The following TCEA1 variants were observed in gnomAD, a reference collection of about 807,000 sequenced individuals.
The protein encoded by TCEA1 is transcription elongation factor A1.
A neutral mutation model predicts 43.8 loss-of-function variants in TCEA1; 21 were observed. That is an observed-to-expected ratio of 0.48 (90% confidence interval 0.34 to 0.69). The LOEUF (loss-of-function observed/expected upper bound fraction) is 0.69, where lower values mean the gene tolerates loss of function less well. Ranked by LOEUF, TCEA1 falls within the 30% of genes least tolerant of loss-of-function variation. TCEA1 has a pLI of 0.01. For missense variants in TCEA1, 250 were observed against 365.1 expected, an observed-to-expected ratio of 0.68 and a Z score of 2.57; for synonymous variants, 104 against 117.5, an observed-to-expected ratio of 0.88 and a Z score of 0.75.
chr8:53,990,549 G>A (rs1258203307), intron 4 of TCEA1, among the ~76,000 whole-genome samples: 2 of 151,888 alleles, frequency 1.3e-5, no homozygotes, highest in Admixed American at 1.3e-4. Flanking sequence ...TACTTGTAGA[G>A]ACAGGGCCTC....
At chr8:53,974,610 C>A (rs1008267068) in intron 8 of TCEA1, among the ~76,000 whole-genome samples, 16 of 152,080 alleles carry the variant, frequency 1.1e-4, no homozygotes, top group Non-Finnish European at 1.9e-4. Context: ...TCACTGCAAC[C>A]TCCACTTCCT....
chr8:53,984,044 G>A (rs1803607365), intron 7 of TCEA1, among the ~76,000 whole-genome samples: 1 of 152,204 alleles, frequency 6.6e-6, no homozygotes, highest in Non-Finnish European at 1.5e-5. Context: ...AGGTTGCGGT[G>A]GGCCAAGATC....
At chr8:53,986,654 C>G (rs117142654) in intron 6 of TCEA1, among the ~76,000 whole-genome samples, 6 of 152,172 alleles carry the variant, frequency 3.9e-5, no homozygotes, top group African/African-American at 1.4e-4. Flanking sequence ...TTCCAAAGAG[C>G]CAGGTCCTTT....
intron 1 of TCEA1, among the ~76,000 whole-genome samples, chr8:54,015,297 G>A (rs1473438435): frequency 2.0e-5 from 3 of 151,736 alleles, no homozygotes; most frequent in Non-Finnish European, 4.4e-5. Context: ...AGCCTCCCAA[G>A]CAGCTGGGAC....
intron 8 of TCEA1, 142 bp downstream of exon 8, chr8:53,978,883 G>A: frequency 3.1e-6 from 3 of 975,028 alleles, no homozygotes; most frequent in Non-Finnish European, 4.4e-6. Flanking sequence ...GTGGTTTCAG[G>A]CATCCACTCA....
chr8:53,988,186 G>A lies in TCEA1; in HGVS notation c.394C>T (p.Arg132Trp), dbSNP rs199869556. The change falls in exon 5 of 10, where the codon CGG becomes TGG. Residue 132 changes from arginine (R) to tryptophan (W), a missense_variant. Transcript: ENST00000521604. ...ACAGAATCAGAAGTGCTTGGTGCCC[G>A]AGGAAAGGATGAAACATAAGTATCT... ...ARDTYVSSFP[R>W]APSTSDSVRL... is the part of the protein sequence containing the mutation. 369 of 1,612,918 alleles carry A rather than the reference G, an allele frequency of 2.3e-4. No individual in the cohort carries two copies. Among genetic ancestry groups the A allele is most frequent in the Non-Finnish European group, 2.8e-4 (331 of 1,179,520 alleles).
chr8:53,973,532 C>A, intron 8 of TCEA1: 3 of 515,790 alleles, frequency 5.8e-6, no homozygotes, highest in South Asian at 5.0e-5. Context: ...TGGCACATCT[C>A]CAGAAGAAGA....
At chr8:53,974,417 T>C (rs946350346) in intron 8 of TCEA1, among the ~76,000 whole-genome samples, 14 of 151,524 alleles carry the variant, frequency 9.2e-5, no homozygotes, top group Admixed American at 8.6e-4. Flanking sequence ...TTAGTCATAA[T>C]TAAATCAAAT....
chr8:54,016,100 A>G (rs1467874516), intron 1 of TCEA1, among the ~76,000 whole-genome samples: 2 of 152,244 alleles, frequency 1.3e-5, no homozygotes, highest in Non-Finnish European at 2.9e-5. Context: ...CACACTGGAA[A>G]GGTCTGGCAG....
intron 7 of TCEA1, among the ~76,000 whole-genome samples, chr8:53,981,859 C>T (rs1410094593): frequency 6.6e-6 from 1 of 151,496 alleles, no homozygotes; most frequent in Non-Finnish European, 1.5e-5. Context: ...CTAAAGTGAT[C>T]CTCCCACCTC....
At chr8:54,018,601 G>C (rs1804919337) in intron 1 of TCEA1, among the ~76,000 whole-genome samples, 1 of 152,182 alleles carries the variant, frequency 6.6e-6, no homozygotes. Flanking sequence ...GTCAGACTTG[G>C]TTACTGACAC....
intron 8 of TCEA1, chr8:53,974,228 T>C (rs1483002148): frequency 6.5e-6 from 1 of 154,160 alleles, no homozygotes; most frequent in African/African-American, 2.4e-5. Context: ...TTATTTCTTT[T>C]TGAATTGAAA....
At chr8:53,985,354 G>A (rs1300367577) in intron 6 of TCEA1, among the ~76,000 whole-genome samples, 1 of 152,174 alleles carries the variant, frequency 6.6e-6, no homozygotes, top group African/African-American at 2.4e-5. Context: ...AGTGCCAGCA[G>A]TATGCAAGTC....
At chr8:53,976,432 C>G in intron 8 of TCEA1, among the ~76,000 whole-genome samples, 1 of 152,314 alleles carries the variant, frequency 6.6e-6, no homozygotes. Context: ...AAATTTTAAT[C>G]TCCTCTTGGG....
intron 5 of TCEA1, 118 bp from the exon 6 acceptor site, chr8:53,987,143 C>CAA (rs1803714006): frequency 7.0e-6 from 6 of 857,064 alleles, no homozygotes; most frequent in Admixed American, 5.4e-5. Context: ...CATAAAGAAA[C>CAA]CGTTCAGTTT....
At chr8:54,017,578 A>G (rs1274747561) in intron 1 of TCEA1, among the ~76,000 whole-genome samples, 4 of 152,194 alleles carry the variant, frequency 2.6e-5, no homozygotes, top group African/African-American at 9.7e-5. Flanking sequence ...TGAGTTCAGG[A>G]GTTCTAGATC....
At chr8:54,006,225 T>C (rs1055020423) in intron 2 of TCEA1, among the ~76,000 whole-genome samples, 1 of 152,244 alleles carries the variant, frequency 6.6e-6, no homozygotes, top group African/African-American at 2.4e-5. Flanking sequence ...TCTTTGTTTA[T>C]ATGTCAGTTT....
chr8:53,995,488 G>C (rs192063654), intron 3 of TCEA1, among the ~76,000 whole-genome samples: 1 of 151,990 alleles, frequency 6.6e-6, no homozygotes, highest in South Asian at 2.1e-4. Context: ...AAAACACATA[G>C]CCTTGAAGCT....
intron 2 of TCEA1, chr8:54,002,803 C>A: frequency 2.3e-6 from 1 of 435,920 alleles, no homozygotes; most frequent in Non-Finnish European, 4.6e-6. Context: ...TCAGGACAAA[C>A]TATACATCGT....
Sources: allele counts gnomAD v4.1 joint callset (sites outside exome capture counted in the v4.1 genomes callset), GRCh38; gene constraint gnomAD v4.1.1; transcripts MANE v1.5; gene names NCBI Gene and HGNC (gene_info 2026-07-23, HGNC 2026-07-21).